The following PTPRD variants were observed in gnomAD, a reference collection of about 807,000 sequenced individuals.
The protein encoded by PTPRD is receptor-type tyrosine-protein phosphatase delta.
In PTPRD, 34 loss-of-function variants were observed where a neutral mutation model predicts 214.5. That is an observed-to-expected ratio of 0.16 (90% CI 0.12 to 0.21). The LOEUF (loss-of-function observed/expected upper bound fraction) is 0.21, where lower values mean the gene tolerates loss of function less well. Ranked by LOEUF, PTPRD falls within the 10% of genes least tolerant of loss-of-function variation. The pLI is 1.00. For missense variants in PTPRD, 2,545 were observed against 2,398.7 expected (o/e 1.06, Z -1.27); for synonymous variants, 1,128 against 845.7 (o/e 1.33, Z -5.79).
chr9:9,028,151 C>T (rs1461014543), intron 10 of PTPRD, among the ~76,000 whole-genome samples: 1 of 151,896 alleles, frequency 6.6e-6, no homozygotes, highest in Non-Finnish European at 1.5e-5. Context: ...GTTGGTTATC[C>T]CTTATCAAAT....
At chr9:10,156,670 T>A (rs2099095218) in intron 3 of PTPRD, among the ~76,000 whole-genome samples, 1 of 152,186 alleles carries the variant, frequency 6.6e-6, no homozygotes, top group Non-Finnish European at 1.5e-5. Context: ...AGTGCTGAGT[T>A]CAGGTCCTCA....
At chr9:9,940,205 G>C (rs1256336489) in intron 4 of PTPRD, among the ~76,000 whole-genome samples, 1 of 152,114 alleles carries the variant, frequency 6.6e-6, no homozygotes, top group African/African-American at 2.4e-5. Context: ...TCTTGGAGAG[G>C]AGCAATGATC....
At chr9:9,374,671 A>T (rs1466375972) in intron 9 of PTPRD, among the ~76,000 whole-genome samples, 2 of 152,196 alleles carry the variant, frequency 1.3e-5, no homozygotes, top group Non-Finnish European at 2.9e-5. Context: ...TAACAAATGG[A>T]CAAACTCTGA....
intron 12 of PTPRD, among the ~76,000 whole-genome samples, chr9:8,657,424 C>T (rs986124803): frequency 6.6e-6 from 1 of 152,054 alleles, no homozygotes; most frequent in African/African-American, 2.4e-5. Context: ...CCACCTTGGC[C>T]CCCCAAAGTG....
intron 3 of PTPRD, among the ~76,000 whole-genome samples, chr9:10,328,276 A>G (rs1489979378): frequency 6.6e-6 from 1 of 151,650 alleles, no homozygotes; most frequent in Non-Finnish European, 1.5e-5. Flanking sequence ...AGAGACACAT[A>G]TTAAGTTTTT....
At chr9:10,553,517 G>T (rs950840201) in intron 2 of PTPRD, among the ~76,000 whole-genome samples, 1 of 151,996 alleles carries the variant, frequency 6.6e-6, no homozygotes, top group Non-Finnish European at 1.5e-5. Flanking sequence ...AAATATGCAA[G>T]TATGTACATA....
chr9:8,894,181 C>G (rs923759334), intron 11 of PTPRD, among the ~76,000 whole-genome samples: 4 of 151,860 alleles, frequency 2.6e-5, no homozygotes, highest in Admixed American at 6.6e-5. Context: ...TGGTAAAACC[C>G]TGTTTCTACT....
At chr9:10,598,914 CAG>C (rs1475878584) in intron 2 of PTPRD, among the ~76,000 whole-genome samples, 2 of 151,500 alleles carry the variant, frequency 1.3e-5, no homozygotes, top group Non-Finnish European at 3.0e-5. Flanking sequence ...ATAGGTAAAA[CAG>C]AGAATACAAA....
intron 5 of PTPRD, among the ~76,000 whole-genome samples, chr9:9,805,981 CT>C (rs2099070567): frequency 6.6e-6 from 1 of 152,112 alleles, no homozygotes. Flanking sequence ...ACAGAGGTAG[CT>C]TTTAGAGGGA....
At chr9:9,889,687 T>C (rs1230155403) in intron 5 of PTPRD, among the ~76,000 whole-genome samples, 1 of 152,098 alleles carries the variant, frequency 6.6e-6, no homozygotes, top group Non-Finnish European at 1.5e-5. Context: ...TCTGGCACTA[T>C]ATTAAGCGAG....
intron 3 of PTPRD, among the ~76,000 whole-genome samples, chr9:10,050,711 A>G (rs2097521052): frequency 1.3e-5 from 2 of 152,066 alleles, no homozygotes; most frequent in African/African-American, 4.8e-5. Context: ...TAATAAACCA[A>G]CAATAAGACA....
At chr9:8,576,631 C>CAAAAAAAAAAAAA (rs71317371) in intron 14 of PTPRD, among the ~76,000 whole-genome samples, 1 of 116,030 alleles carries the variant, frequency 8.6e-6, no homozygotes, top group Admixed American at 9.2e-5. Context: ...GCTAATGCAG[C>CAAAAAAAAAAAAA]AAAAAAAAAA....
At chr9:8,927,004 C>T (rs914292928) in intron 11 of PTPRD, among the ~76,000 whole-genome samples, 3 of 152,058 alleles carry the variant, frequency 2.0e-5, no homozygotes, top group Admixed American at 2.0e-4. Flanking sequence ...AAAATCATGT[C>T]ATCCAATTGC....
At chr9:8,414,958 A>G (rs200851722) in intron 35 of PTPRD, among the ~76,000 whole-genome samples, 39 of 146,592 alleles carry the variant, frequency 2.7e-4, no homozygotes, top group African/African-American at 7.2e-4. Context: ...AGAGAGAGAG[A>G]GAGAGAGAGA....
intron 12 of PTPRD, among the ~76,000 whole-genome samples, chr9:8,724,856 C>G (rs952139143): frequency 6.6e-6 from 1 of 151,952 alleles, no homozygotes. Flanking sequence ...GAGGATCACC[C>G]GAGCCCAGGA....
At chr9:8,377,194 A>T (rs1020932219) in intron 37 of PTPRD, among the ~76,000 whole-genome samples, 1 of 152,132 alleles carries the variant, frequency 6.6e-6, no homozygotes, top group Non-Finnish European at 1.5e-5. Flanking sequence ...TGGAAAATCT[A>T]TCAAAGTATA....
At chr9:9,648,318 A>G (rs545801164) in intron 7 of PTPRD, among the ~76,000 whole-genome samples, 4 of 152,320 alleles carry the variant, frequency 2.6e-5, no homozygotes, top group Admixed American at 6.5e-5. Context: ...TCCTAATATT[A>G]CAAGGTGTCA....
At chr9:8,579,870 A>G (rs375585456) in intron 14 of PTPRD, among the ~76,000 whole-genome samples, 1 of 152,178 alleles carries the variant, frequency 6.6e-6, no homozygotes, top group Non-Finnish European at 1.5e-5. Flanking sequence ...AAAGCTGGTG[A>G]GGCAAGTGGA....
intron 11 of PTPRD, among the ~76,000 whole-genome samples, chr9:8,994,434 T>C (rs2099388816): frequency 6.6e-6 from 1 of 152,162 alleles, no homozygotes; most frequent in Non-Finnish European, 1.5e-5. Context: ...ATTTGGTTTC[T>C]TTAATCAAAT....
Sources: allele counts gnomAD v4.1 joint callset (sites outside exome capture counted in the v4.1 genomes callset), GRCh38; gene constraint gnomAD v4.1.1; transcripts MANE v1.5; gene names NCBI Gene and HGNC (gene_info 2026-07-23, HGNC 2026-07-21).